The following FRMPD4 variants were observed in gnomAD, a reference collection of about 807,000 sequenced individuals.
The protein encoded by FRMPD4 is FERM and PDZ domain containing 4.
FRMPD4 carries 22 observed loss-of-function variants against 94.1 expected under a neutral mutation model. The observed-to-expected ratio is 0.23, with a 90% CI of 0.17 to 0.33. The LOEUF (loss-of-function observed/expected upper bound fraction) is 0.33. Among genes scored for constraint, FRMPD4 ranks in the 10% least tolerant of loss-of-function variants. FRMPD4 has a pLI of 1.00. For synonymous variants in FRMPD4, 631 were observed against 548.6 expected, an observed-to-expected ratio of 1.15 and a Z score of -2.10; for missense variants, 1,111 against 1,339.9, an observed-to-expected ratio of 0.83 and a Z score of 2.67.
At chrX:12,542,721 G>A (rs2058429858) in intron 2 of FRMPD4, among the ~76,000 whole-genome samples, 2 of 111,697 alleles carry the variant, frequency 1.8e-5, no homozygotes, top group African/African-American at 6.5e-5. Context: ...TTTCTTCACA[G>A]AATTGGAAAA....
chrX:12,389,622 C>T (rs755816652), intron 1 of FRMPD4, among the ~76,000 whole-genome samples: 7 of 110,781 alleles, frequency 6.3e-5, no homozygotes, highest in Non-Finnish European at 1.3e-4. Flanking sequence ...ACGTTATATC[C>T]CATAAATATA....
intron 1 of FRMPD4, among the ~76,000 whole-genome samples, chrX:12,154,767 T>C (rs1218956733): frequency 8.9e-6 from 1 of 112,736 alleles, no homozygotes; most frequent in Non-Finnish European, 1.9e-5. Context: ...TATTCCTAGA[T>C]ATATGTGATT....
intron 4 of FRMPD4, 117 bp downstream of exon 4, chrX:12,614,998 C>T: frequency 2.7e-6 from 1 of 377,116 alleles, no homozygotes; most frequent in Non-Finnish European, 4.8e-6. Context: ...AAATGCAAGC[C>T]AACACATACA....
At chrX:11,924,095 TGA>T (rs777311044) in intron 3 of FRMPD4, among the ~76,000 whole-genome samples, 2 of 112,124 alleles carry the variant, frequency 1.8e-5, no homozygotes, top group East Asian at 5.6e-4. Flanking sequence ...GTAACCAATC[TGA>T]GAGAGCTGAA....
intron 9 of FRMPD4, among the ~76,000 whole-genome samples, chrX:12,699,469 C>T (rs1445501713): frequency 8.9e-6 from 1 of 112,576 alleles, no homozygotes; most frequent in Non-Finnish European, 1.9e-5. Context: ...AGACATGCAC[C>T]CATGGCACGT....
At chrX:11,830,087 A>T (rs1230529816) in intron 1 of FRMPD4, among the ~76,000 whole-genome samples, 1 of 111,533 alleles carries the variant, frequency 9.0e-6, no homozygotes, top group Non-Finnish European at 1.9e-5. Flanking sequence ...GAAAAATAGA[A>T]GCATGTTTTA....
At chrX:12,595,648 G>A (rs1254661992) in intron 2 of FRMPD4, among the ~76,000 whole-genome samples, 2 of 111,995 alleles carry the variant, frequency 1.8e-5, no homozygotes, top group Admixed American at 1.9e-4. Context: ...AAGTAAAAAT[G>A]TTCTTTGAGT....
At chrX:12,353,541 C>A (rs1404410596) in intron 1 of FRMPD4, among the ~76,000 whole-genome samples, 1 of 111,855 alleles carries the variant, frequency 8.9e-6, no homozygotes, top group Non-Finnish European at 1.9e-5. Flanking sequence ...GAATTATCAA[C>A]CCTTAAGCTT....
At chrX:12,694,491 G>A (rs2060108681) in intron 9 of FRMPD4, 37 bp downstream of exon 9, 1 of 1,093,945 alleles carries the variant, frequency 9.1e-7, no homozygotes, top group Non-Finnish European at 1.3e-6. Flanking sequence ...TATCAATGTT[G>A]TGATATAAAC....
chrX:12,579,405 A>G (rs770442193), intron 2 of FRMPD4, among the ~76,000 whole-genome samples: 1 of 112,090 alleles, frequency 8.9e-6, no homozygotes, highest in East Asian at 2.8e-4. Context: ...TTTCAAAGCC[A>G]TCTACTAAGG....
chrX:12,178,881 A>T (rs2056325368), intron 1 of FRMPD4, among the ~76,000 whole-genome samples: 1 of 111,961 alleles, frequency 8.9e-6, no homozygotes, highest in African/African-American at 3.2e-5. Context: ...GTGCCAGTGG[A>T]GATAATCTGG....
In FRMPD4 at chrX:11,953,095, G is replaced by T. The variant is rs191683451; in HGVS notation, c.95+75077G>T. ...AAGTAGACCAACTCAAACCTCTGAA[G>T]CTTATCTACACATGGCCATAAATAC... On this transcript the variant is annotated intron_variant, in intron 3 of 18. Transcript: ENST00000640291. 7.2e-3 allele frequency among the ~76,000 whole-genome samples: 806 copies of T among 111,187 alleles called. 2 individuals are homozygous for T. The highest frequency in any genetic ancestry group is 0.01 in the Non-Finnish European group (554 of 52,997).
At chrX:11,847,532 G>C (rs1601801280) in intron 1 of FRMPD4, among the ~76,000 whole-genome samples, 1 of 108,275 alleles carries the variant, frequency 9.2e-6, no homozygotes, top group African/African-American at 3.4e-5. Flanking sequence ...CCATTAGTGG[G>C]TATATACCCA....
chrX:12,113,793 C>T (rs1450032926), intron 3 of FRMPD4, among the ~76,000 whole-genome samples: 1 of 111,996 alleles, frequency 8.9e-6, no homozygotes, highest in African/African-American at 3.2e-5. Context: ...ATGCATTCCT[C>T]TTTGGTATAA....
At chrX:12,633,459 C>T (rs529082270) in intron 4 of FRMPD4, among the ~76,000 whole-genome samples, 9 of 111,746 alleles carry the variant, frequency 8.1e-5, no homozygotes, top group South Asian at 3.8e-4. Context: ...TTTTGAATGG[C>T]GAGAGCTGAG....
At chrX:12,257,433 G>A (rs1195902260) in intron 1 of FRMPD4, among the ~76,000 whole-genome samples, 1 of 111,682 alleles carries the variant, frequency 9.0e-6, no homozygotes, top group African/African-American at 3.3e-5. Flanking sequence ...TCCATATATT[G>A]ATGCTTGAGG....
chrX:12,695,404 T>C (rs1030687928), intron 9 of FRMPD4, among the ~76,000 whole-genome samples: 6 of 109,836 alleles, frequency 5.5e-5, no homozygotes, highest in African/African-American at 2.0e-4. Context: ...CTTTTTTTTT[T>C]ATTTATTTAT....
At chrX:11,827,062 T>TTATATATATTATATA in intron 1 of FRMPD4, among the ~76,000 whole-genome samples, 1 of 80,579 alleles carries the variant, frequency 1.2e-5, no homozygotes, top group East Asian at 4.4e-4. Context: ...TAGATGGAAA[T>TTATATATATTATATA]TATATATATA....
intron 4 of FRMPD4, among the ~76,000 whole-genome samples, chrX:12,652,544 C>T (rs2059606083): frequency 8.9e-6 from 1 of 111,867 alleles, no homozygotes; most frequent in Non-Finnish European, 1.9e-5. Context: ...TTCTCCAAGC[C>T]CCCAGTAACC....
Sources: gnomAD v4.1 joint callset for allele counts (sites outside exome capture counted in the v4.1 genomes callset) on GRCh38, gnomAD v4.1.1 for gene constraint, MANE v1.5 for transcripts, NCBI Gene and HGNC (gene_info 2026-07-23, HGNC 2026-07-21) for gene names.